The following ANKFY1 variants were observed in gnomAD, a reference collection of about 807,000 sequenced individuals.
ANKFY1 encodes ankyrin repeat and FYVE domain containing 1.
In ANKFY1, 47 loss-of-function variants were observed where a neutral mutation model predicts 128.3. That is an observed-to-expected ratio of 0.37 (90% CI 0.29 to 0.47). The LOEUF is 0.47. Ranked by LOEUF, ANKFY1 falls within the 20% of genes least tolerant of loss-of-function variation. The pLI is 1.00. For synonymous variants in ANKFY1, 553 were observed against 601.6 expected, an observed-to-expected ratio of 0.92 and a Z score of 1.18; for missense variants, 1,222 against 1,510.6, an observed-to-expected ratio of 0.81 and a Z score of 3.17.
rs1226930273 is a variant in ANKFY1, at chr17:4,169,844, A to G, written c.3287-556T>C. On this transcript the variant is annotated intron_variant, in intron 23 of 24. Transcript: ENST00000341657. The surrounding 1 kb of genome is among the most constrained non-coding windows in gnomAD (Gnocchi z 5.0). ...TAGTTTGGGAGTTACTAATGCAGAC[A>G]GGAATGACAATCACTTGGATTTACT... is the stretch of plus-strand genomic sequence containing the variant. Among the ~76,000 whole-genome samples the G allele has an allele frequency of 6.6e-6, 1 of 152,240 alleles. No individual in the cohort carries two copies. Among genetic ancestry groups the G allele is most frequent in the East Asian group, 1.9e-4 (1 of 5,200 alleles).
intron 19 of ANKFY1, among the ~76,000 whole-genome samples, chr17:4,175,354 A>T (rs2059394236): frequency 6.6e-6 from 1 of 151,354 alleles, no homozygotes; most frequent in Non-Finnish European, 1.5e-5. Context: ...AAGAAAAAAA[A>T]AAGAAAGAAA....
At chr17:4,251,549 A>C (rs1314064987) in intron 1 of ANKFY1, among the ~76,000 whole-genome samples, 4 of 146,790 alleles carry the variant, frequency 2.7e-5, no homozygotes, top group Admixed American at 6.8e-5. Flanking sequence ...AAAAAAAAAA[A>C]CAAAAACTAC....
intron 1 of ANKFY1, among the ~76,000 whole-genome samples, chr17:4,251,475 A>AT (rs1016064632): frequency 6.6e-6 from 1 of 151,790 alleles, no homozygotes; most frequent in Non-Finnish European, 1.5e-5. Context: ...AAAGAAAACA[A>AT]TTTTTAAAAA....
chr17:4,207,197 G>C (rs1305698836), intron 6 of ANKFY1, among the ~76,000 whole-genome samples: 1 of 152,014 alleles, frequency 6.6e-6, no homozygotes, highest in Non-Finnish European at 1.5e-5. Flanking sequence ...ACCACAGAGG[G>C]CCCGATCTAT....
In ANKFY1 at chr17:4,178,731, C is replaced by A. The variant is rs1379559713; in HGVS notation, c.2598+126G>T. On this transcript the variant is annotated intron_variant, in intron 18 of 24. Transcript: ENST00000341657. The surrounding 1 kb of genome is among the most constrained non-coding windows in gnomAD (Gnocchi z 4.1). ...ACATCTCAACAGCCACATCTTAGGA[C>A]AGGAGTACAACTTCAAAACAAAGCT... 7.7e-6 allele frequency: 7 copies of A among 914,384 alleles called. No homozygotes were observed. The East Asian group carries it at 1.9e-4, about 24-fold the overall frequency. The allele number at this position is 914,384 out of a possible 1,614,324, so 56.6% of individuals were successfully genotyped here. A position where few individuals can be genotyped will look rare whatever the true frequency, so the allele number is the denominator to read the frequency against.
At chr17:4,251,272 A>T (rs1221819997) in intron 1 of ANKFY1, among the ~76,000 whole-genome samples, 1 of 152,154 alleles carries the variant, frequency 6.6e-6, no homozygotes, top group African/African-American at 2.4e-5. Context: ...AAAATCACAT[A>T]TCTAAACGTA....
intron 12 of ANKFY1, 141 bp from the exon 13 acceptor site, chr17:4,184,051 A>G (rs2059566553): frequency 1.5e-6 from 1 of 686,052 alleles, no homozygotes; most frequent in Non-Finnish European, 2.4e-6. Flanking sequence ...AAATCTTGTC[A>G]AGACTCAAAG....
At chr17:4,214,616 C>T (rs2060190268) in intron 4 of ANKFY1, among the ~76,000 whole-genome samples, 1 of 151,504 alleles carries the variant, frequency 6.6e-6, no homozygotes, top group Non-Finnish European at 1.5e-5. Context: ...ACCTCCACCT[C>T]CCAGGTTCAA....
At chr17:4,186,863 A>C in intron 11 of ANKFY1, 1 of 1,019,500 alleles carries the variant, frequency 9.8e-7, no homozygotes, top group Non-Finnish European at 1.2e-6. Context: ...TCTTGCATCT[A>C]ATTTTCCCAC....
intron 1 of ANKFY1, 195 bp downstream of exon 1, chr17:4,263,719 CGGGGTCGGCATCGCGGGA>C: frequency 6.7e-7 from 1 of 1,483,838 alleles, no homozygotes; most frequent in Non-Finnish European, 8.9e-7. Flanking sequence ...CGCAGTCCCG[CGGGGTCGGCATCGCGGGA>C]GGGACGTTGT....
rs2059189375 is a variant in ANKFY1, at chr17:4,165,159, GT to G, written c.*2619del. On this transcript the variant is annotated 3_prime_UTR_variant, in exon 25 of 25. Transcript: ENST00000341657. ...CCATTCGATTTATATATAGCACATG[GT>G]CCGTACCTTTGTTTTAAAAACAACG... 1 of 152,166 alleles carries G rather than the reference GT, an allele frequency of 6.6e-6. No homozygotes were observed. The highest frequency in any genetic ancestry group is 6.5e-5 in the Admixed American group (1 of 15,272). The allele number at this position is 152,166 out of a possible 1,614,324, so 9.4% of individuals were successfully genotyped here.
chr17:4,236,052 G>A (rs1423377888), intron 2 of ANKFY1, among the ~76,000 whole-genome samples, 162 bp from the exon 3 acceptor site: 1 of 152,218 alleles, frequency 6.6e-6, no homozygotes, highest in Non-Finnish European at 1.5e-5. Context: ...GAATTCTGGT[G>A]AGTCATCTTT....
chr17:4,173,285 C>T, intron 21 of ANKFY1, 69 bp downstream of exon 21: 1 of 1,478,822 alleles, frequency 6.8e-7, no homozygotes, highest in East Asian at 2.3e-5. Context: ...TGATGGGAGG[C>T]ACCAGCAACC....
At position 4,169,046 on chromosome 17, in the gene ANKFY1, T is replaced by G. The variant is rs1252108277; in HGVS notation, c.3377+152A>C. On this transcript the variant is annotated intron_variant, in intron 24 of 24. Coordinates refer to ENST00000341657, the MANE Select transcript of ANKFY1 (RefSeq NM_001330063.2). The surrounding 1 kb of genome is among the most constrained non-coding windows in gnomAD (Gnocchi z 5.0). ...ACATCTCTGTTCCTCAGTAGGATCCTTGGGTGTGCTCATCTCATCCCTCCA... is the reference window on the plus strand; with the variant it reads ...ACATCTCTGTTCCTCAGTAGGATCCGTGGGTGTGCTCATCTCATCCCTCCA... 3.0e-6 allele frequency: 2 copies of G among 664,422 alleles called. No individual in the cohort carries two copies. Among genetic ancestry groups the G allele is most frequent in the South Asian group, 3.7e-5 (2 of 53,578 alleles). 41.2% of individuals were successfully genotyped at this position (664,422 alleles called of 1,614,324 possible). A position where few individuals can be genotyped will look rare whatever the true frequency, so the allele number is the denominator to read the frequency against.
At position 4,195,410 on chromosome 17, in the gene ANKFY1, A is replaced by C; in HGVS notation, c.1165T>G (p.Cys389Gly). ...NEYVFSQLLQ[C>G]KQLDLELKDH... ...GCGTGTCTCCCTACGTACTGTTTGC[A>C]CTGCAGCAGCTGACTGAACACATAT... The change falls in exon 9 of 25, where the codon TGC (cysteine) becomes GGC (glycine). Residue 389 changes from cysteine to glycine, a missense_variant. Coordinates refer to ENST00000341657, the MANE Select transcript of ANKFY1 (RefSeq NM_001330063.2). The C allele has an allele frequency of 6.2e-7, 1 of 1,614,034 alleles. No homozygotes were observed. Among genetic ancestry groups the C allele is most frequent in the Non-Finnish European group, 8.5e-7 (1 of 1,179,994 alleles).
rs868497061 is a variant in ANKFY1, at chr17:4,185,039, GT to G, written c.1477del (p.Thr493ProfsTer42). The G allele has an allele frequency of 6.2e-7, 1 of 1,612,426 alleles. No homozygotes were observed. The highest frequency in any genetic ancestry group is 1.3e-5 in the African/African-American group (1 of 74,934). On this transcript the variant is annotated frameshift_variant, in exon 12 of 25. Coordinates refer to ENST00000341657, the MANE Select transcript of ANKFY1 (RefSeq NM_001330063.2). LOFTEE classifies it high-confidence loss of function. ...ATGCCGACACGCTGTGTGCAACGGG[GT>G]TTCTCCCTGAATGGAAACAAATGGC... ...HVNHRNKWGE[T>X]PLHTACRHGL... is the part of the protein sequence containing the mutation.
At chr17:4,243,808 G>T (rs1379100223) in intron 1 of ANKFY1, among the ~76,000 whole-genome samples, 1 of 152,176 alleles carries the variant, frequency 6.6e-6, no homozygotes, top group Non-Finnish European at 1.5e-5. Context: ...CACCGTATTT[G>T]ATTAACTAAA....
intron 18 of ANKFY1, 142 bp from the exon 19 acceptor site, chr17:4,177,444 C>T: frequency 1.5e-6 from 1 of 682,572 alleles, no homozygotes. Context: ...CAAGAATGAA[C>T]ATGAAACGCC....
intron 11 of ANKFY1, among the ~76,000 whole-genome samples, chr17:4,185,295 T>G (rs1201616691): frequency 6.6e-6 from 1 of 151,840 alleles, no homozygotes. Context: ...AACCTTTGCC[T>G]CCCGGGTTCA....
Sources: gnomAD v4.1 joint callset for allele counts (sites outside exome capture counted in the v4.1 genomes callset) on GRCh38, gnomAD v4.1.1 for gene constraint, Gnocchi (gnomAD v3.1) non-coding constraint, MANE v1.5 for transcripts, NCBI Gene and HGNC (gene_info 2026-07-23, HGNC 2026-07-21) for gene names.